SHLD2: variants seen among roughly 807,000 people sequenced by gnomAD.
SHLD2 encodes RINN1-REV7-interacting novel NHEJ regulator 2.
A neutral mutation model predicts 73.2 loss-of-function variants in SHLD2; 30 were observed. The observed-to-expected ratio is 0.41, with a 90% CI of 0.31 to 0.56. SHLD2 has a LOEUF of 0.56. Among genes scored for constraint, SHLD2 ranks in the 20% least tolerant of loss-of-function variants. The probability of loss-of-function intolerance (pLI) is 0.28; values close to 1 mark genes in which losing one functional copy is unlikely to be tolerated. For missense variants in SHLD2, 745 were observed against 1,055.9 expected (o/e 0.71, Z 4.08); for synonymous variants, 285 against 370.1 (o/e 0.77, Z 2.64).
chr10:87,164,452 C>G (rs973408892), intron 4 of SHLD2, among the ~76,000 whole-genome samples: 9 of 151,938 alleles, frequency 5.9e-5, no homozygotes, highest in Non-Finnish European at 1.2e-4. Flanking sequence ...TGGATTTCAC[C>G]ATGTTGCTCT....
intron 2 of SHLD2, among the ~76,000 whole-genome samples, chr10:87,115,695 AGAC>A (rs1464841441): frequency 6.6e-6 from 1 of 152,192 alleles, no homozygotes; most frequent in East Asian, 1.9e-4. Context: ...CAAAAAATTG[AGAC>A]GACAGTTTGA....
intron 2 of SHLD2, among the ~76,000 whole-genome samples, chr10:87,141,914 C>T (rs1161482468): frequency 6.6e-6 from 1 of 151,892 alleles, no homozygotes; most frequent in African/African-American, 2.4e-5. Context: ...GCCTGTAATT[C>T]CAGCTACTCG....
intron 2 of SHLD2, among the ~76,000 whole-genome samples, chr10:87,127,449 CTT>C (rs1844085594): frequency 6.9e-6 from 1 of 144,622 alleles, no homozygotes; most frequent in Non-Finnish European, 1.5e-5. Context: ...TTAGAAATAA[CTT>C]TCACTAATTC....
intron 6 of SHLD2, among the ~76,000 whole-genome samples, chr10:87,171,848 T>C: frequency 6.6e-6 from 1 of 152,130 alleles, no homozygotes; most frequent in East Asian, 1.9e-4. Flanking sequence ...GACAGATGTT[T>C]GTTTGGTTGA....
At chr10:87,158,376 T>C (rs1487102874) in intron 4 of SHLD2, among the ~76,000 whole-genome samples, 2 of 152,216 alleles carry the variant, frequency 1.3e-5, no homozygotes, top group Non-Finnish European at 2.9e-5. Context: ...ATGTTTCGTT[T>C]TCTTAGGCCA....
At chr10:87,128,860 T>A (rs548254117) in intron 2 of SHLD2, among the ~76,000 whole-genome samples, 1 of 152,312 alleles carries the variant, frequency 6.6e-6, no homozygotes, top group East Asian at 1.9e-4. Context: ...TGTTGTTGTT[T>A]TTGTTTTTTA....
chr10:87,168,566 T>G (rs982168540), intron 4 of SHLD2, among the ~76,000 whole-genome samples: 53 of 144,806 alleles, frequency 3.7e-4, no homozygotes, highest in South Asian at 7.1e-4. Context: ...GCCACTGCAT[T>G]CCAGCCTGGG....
rs578164480 is a variant in SHLD2 at position 87,152,458 on chromosome 10, A to C, written c.1104A>C (p.Leu368=). The change falls in exon 3 of 10, where the codon CTA becomes CTC. Residue 368 remains leucine (L), a synonymous_variant. Transcript: ENST00000298786. ...GCTCAGGAATACTGTGTTCCCAACT[A>C]AATACCTTCCACAAAAGTGCTATTA... ...LCSSGILCSQ[L]NTFHKSAIKR... The C allele has an allele frequency of 5.0e-5, 81 of 1,607,036 alleles. No individual in the cohort carries two copies. In the East Asian group the frequency reaches 1.8e-3, roughly 36 times the overall value.
chr10:87,119,614 G>A (rs1031348089), intron 2 of SHLD2, among the ~76,000 whole-genome samples: 11 of 152,110 alleles, frequency 7.2e-5, no homozygotes, highest in Admixed American at 2.0e-4. Flanking sequence ...ATAAAAATTA[G>A]CTAGCCATGG....
At chr10:87,165,648 A>G (rs1014316221) in intron 4 of SHLD2, among the ~76,000 whole-genome samples, 1 of 152,228 alleles carries the variant, frequency 6.6e-6, no homozygotes, top group Non-Finnish European at 1.5e-5. Context: ...AGAAACTCTT[A>G]TAGACTAGAG....
chr10:87,145,547 A>T (rs1845543361), intron 2 of SHLD2, among the ~76,000 whole-genome samples: 2 of 151,896 alleles, frequency 1.3e-5, no homozygotes, highest in Non-Finnish European at 2.9e-5. Context: ...TTTTTGGTAA[A>T]ATAGACATGA....
rs560074681 is a variant in SHLD2 at position 87,127,790 on chromosome 10, A to G, written c.-5-23560A>G. ...CTCACTTAAGCTTTACAACAGTCCT[A>G]AGAGAGGAATGCTGTGGTTATTACA... On this transcript the variant is annotated intron_variant, in intron 2 of 9. Transcript: ENST00000298786. Among the ~76,000 whole-genome samples the G allele has an allele frequency of 2.6e-5, 4 of 151,596 alleles. No individual in the cohort carries two copies. The East Asian group carries it at 7.8e-4, about 29-fold the overall frequency.
intron 2 of SHLD2, among the ~76,000 whole-genome samples, chr10:87,102,019 CTT>C (rs1034189787): frequency 8.4e-4 from 128 of 152,222 alleles, no homozygotes; most frequent in African/African-American, 3.0e-3. Context: ...GATAGTTTTT[CTT>C]TTTTTGTTTC....
intron 2 of SHLD2, among the ~76,000 whole-genome samples, chr10:87,106,093 T>A (rs545692417): frequency 1.3e-5 from 2 of 152,226 alleles, no homozygotes; most frequent in East Asian, 3.9e-4. Flanking sequence ...AACCTCCGCC[T>A]CCTGGGTTCA....
intron 2 of SHLD2, among the ~76,000 whole-genome samples, chr10:87,131,089 C>A (rs901595512): frequency 7.9e-5 from 12 of 151,992 alleles, no homozygotes; most frequent in African/African-American, 2.7e-4. Flanking sequence ...AAAAACCCCC[C>A]AAAAACCTTA....
chr10:87,129,816 C>T (rs961060484), intron 2 of SHLD2, among the ~76,000 whole-genome samples: 1 of 151,776 alleles, frequency 6.6e-6, no homozygotes, highest in African/African-American at 2.4e-5. Context: ...GACAAGGTCT[C>T]GCTGTGTTGC....
chr10:87,150,026 C>T (rs1032023970), intron 2 of SHLD2, among the ~76,000 whole-genome samples: 9 of 150,182 alleles, frequency 6.0e-5, no homozygotes, highest in South Asian at 2.1e-4. Context: ...CTGGGATTAC[C>T]GGTGTGAGCC....
intron 2 of SHLD2, among the ~76,000 whole-genome samples, chr10:87,104,296 C>A (rs1435575163): frequency 1.3e-5 from 2 of 149,794 alleles, no homozygotes; most frequent in Admixed American, 1.3e-4. Context: ...ACCTGTAATC[C>A]CAGCACTTTG....
At chr10:87,100,430 C>G (rs931784966) in intron 2 of SHLD2, among the ~76,000 whole-genome samples, 4 of 151,624 alleles carry the variant, frequency 2.6e-5, no homozygotes, top group Admixed American at 2.6e-4. Context: ...CAGTTCAGTT[C>G]ATCCATATGT....
Sources: allele counts gnomAD v4.1 joint callset (sites outside exome capture counted in the v4.1 genomes callset), GRCh38; gene constraint gnomAD v4.1.1; transcripts MANE v1.5; gene names NCBI Gene and HGNC (gene_info 2026-07-23, HGNC 2026-07-21).